Variants in KIAA1549L observed in about 807,000 individuals in gnomAD.
The protein encoded by KIAA1549L is KIAA1549 like, also known as UPF0606 protein KIAA1549L.
Under a neutral mutation model 160.7 loss-of-function variants are expected in KIAA1549L, and 88 were observed. That is an observed-to-expected ratio of 0.55 (90% CI 0.46 to 0.65). The LOEUF is 0.65. KIAA1549L is among the 30% of genes least tolerant of loss of function. The pLI, the probability that KIAA1549L is intolerant of heterozygous loss-of-function variation, is 0.00. For missense variants in KIAA1549L, 2,258 were observed against 2,437.5 expected, an observed-to-expected ratio of 0.93 and a Z score of 1.55; for synonymous variants, 950 against 976.7, an observed-to-expected ratio of 0.97 and a Z score of 0.51.
At chr11:33,396,274 G>A (rs1850371950) in intron 1 of KIAA1549L, among the ~76,000 whole-genome samples, 1 of 152,164 alleles carries the variant, frequency 6.6e-6, no homozygotes. Context: ...AGTTGCAGGA[G>A]CTTAGCTGCA....
chr11:33,630,190 A>G (rs572089240), intron 16 of KIAA1549L, among the ~76,000 whole-genome samples: 2 of 152,092 alleles, frequency 1.3e-5, no homozygotes, highest in Non-Finnish European at 2.9e-5. Context: ...CAAAGCTGTC[A>G]GACCGGGACA....
rs779162427 is a variant in KIAA1549L, at chr11:33,668,170, G to A, written c.*16G>A. On this transcript the variant is annotated 3_prime_UTR_variant, in exon 21 of 21. Transcript: ENST00000658780. ...CCAGGTCTAACGCCTTAGCCCCGTG[G>A]GACTCTGGACTTCCAAACTCTGAGG... The A allele has an allele frequency of 7.0e-5, 113 of 1,604,130 alleles. 2 individuals carry two copies. In the South Asian group the frequency reaches 1.2e-3, roughly 17 times the overall value.
chr11:33,477,894 C>G (rs755732449), intron 1 of KIAA1549L, among the ~76,000 whole-genome samples: 1 of 152,182 alleles, frequency 6.6e-6, no homozygotes, highest in African/African-American at 2.4e-5. Flanking sequence ...AAACCACTTA[C>G]GTTTTGTCCA....
At chr11:33,470,322 G>A (rs1036508813) in intron 1 of KIAA1549L, among the ~76,000 whole-genome samples, 2 of 152,104 alleles carry the variant, frequency 1.3e-5, no homozygotes, top group Admixed American at 6.5e-5. Context: ...TCAATTGACC[G>A]TAAATGTAAG....
chr11:33,658,850 G>C lies in KIAA1549L; in HGVS notation c.5959G>C (p.Gly1987Arg). The part of the protein sequence containing the change: ...DSASFTQMSR[G>R]PVSVTQLDQS... ...CGCCTCCTTCACGCAGATGTCCAGAGGCCCTGTGTCCGTGACGCAGTTGGA... is the reference window on the plus strand; with the variant it reads ...CGCCTCCTTCACGCAGATGTCCAGACGCCCTGTGTCCGTGACGCAGTTGGA... The change falls in exon 19 of 21, where the codon GGC becomes CGC. Residue 1987 changes from glycine to arginine, a missense_variant. Transcript: ENST00000658780. The C allele has an allele frequency of 6.4e-7, 1 of 1,563,218 alleles. No individual in the cohort carries two copies. The highest frequency in any genetic ancestry group is 8.7e-7 in the Non-Finnish European group (1 of 1,153,936).
intron 8 of KIAA1549L, among the ~76,000 whole-genome samples, chr11:33,565,562 C>T (rs956257113): frequency 2.0e-5 from 3 of 152,172 alleles, no homozygotes; most frequent in Non-Finnish European, 4.4e-5. Context: ...GGGCCCTGCC[C>T]CCAAATCCAG....
rs532317602 is a variant in KIAA1549L, at chr11:33,668,167, G to A, written c.*13G>A. On this transcript the variant is annotated 3_prime_UTR_variant, in exon 21 of 21. Transcript: ENST00000658780. ...GTTCCAGGTCTAACGCCTTAGCCCC[G>A]TGGGACTCTGGACTTCCAAACTCTG... The A allele has an allele frequency of 9.0e-5, 144 of 1,606,508 alleles. 3 individuals are homozygous for A. The Middle Eastern group carries it at 9.9e-4, about 11-fold the overall frequency.
In KIAA1549L at chr11:33,542,663, T is replaced by C. The variant is rs1854064267; in HGVS notation, c.1100T>C (p.Leu367Pro). 1 of 1,613,746 alleles carries C rather than the reference T, an allele frequency of 6.2e-7. No homozygotes were observed. Among genetic ancestry groups the C allele is most frequent in the Non-Finnish European group, 8.5e-7 (1 of 1,179,856 alleles). ...PPPALGSLLQ[L>P]PDGSPSWSML... The stretch of plus-strand genomic sequence containing the variant: ...CCAGCACTTGGAAGTCTTCTTCAGC[T>C]TCCAGATGGAAGCCCCTCATGGTCA... The change falls in exon 2 of 21, where the codon CTT becomes CCT. Residue 367 changes from leucine (L) to proline (P), a missense_variant. Leu to Pro is a moderately conservative substitution (Grantham distance 98). This residue lies in a region of KIAA1549L where 540 missense variants were observed against 465.7 expected (regional missense o/e 1.16). Transcript: ENST00000658780.
At chr11:33,394,345 C>A (rs1367525190) in intron 1 of KIAA1549L, among the ~76,000 whole-genome samples, 1 of 151,990 alleles carries the variant, frequency 6.6e-6, no homozygotes, top group Non-Finnish European at 1.5e-5. Flanking sequence ...GAGATCATGC[C>A]ACTACACCCC....
chr11:33,546,384 A>G (rs1253382627), intron 3 of KIAA1549L, among the ~76,000 whole-genome samples: 1 of 152,128 alleles, frequency 6.6e-6, no homozygotes, highest in Non-Finnish European at 1.5e-5. Context: ...CTGGCCCCTC[A>G]GAGGCAGAAG....
At chr11:33,439,404 T>C (rs1432727939) in intron 1 of KIAA1549L, among the ~76,000 whole-genome samples, 1 of 151,614 alleles carries the variant, frequency 6.6e-6, no homozygotes, top group Non-Finnish European at 1.5e-5. Context: ...TTTTTTTTTG[T>C]TTCTGTTTTT....
chr11:33,453,662 T>C (rs1205387704), intron 1 of KIAA1549L, among the ~76,000 whole-genome samples: 1 of 152,214 alleles, frequency 6.6e-6, no homozygotes, highest in East Asian at 1.9e-4. Context: ...TCTGATCATA[T>C]CATGAATATA....
chr11:33,477,854 TACACAC>T lies in KIAA1549L; in HGVS notation c.239-63933_239-63928del, dbSNP rs138995084. On this transcript the variant is annotated intron_variant, in intron 1 of 20. Transcript: ENST00000658780. ...AATGTCTGCTGAATGCACAGATGCA[TACACAC>T]ACACACACACACACCACTGTGGGAA... 5.8e-3 allele frequency among the ~76,000 whole-genome samples: 791 copies of T among 137,560 alleles called. 3 individuals are homozygous for T. Among genetic ancestry groups the T allele is most frequent in the East Asian group, 0.015 (67 of 4,520 alleles). 90.2% of individuals were successfully genotyped at this position (137,560 alleles called of 152,430 possible).
chr11:33,584,192 T>G (rs893731081), intron 11 of KIAA1549L, among the ~76,000 whole-genome samples: 1 of 152,176 alleles, frequency 6.6e-6, no homozygotes. Flanking sequence ...GCCTCCAGAG[T>G]TGTGAGAAAT....
chr11:33,618,729 T>C (rs995558260), intron 16 of KIAA1549L, 67 bp downstream of exon 16: 3 of 1,340,906 alleles, frequency 2.2e-6, no homozygotes, highest in Non-Finnish European at 3.0e-6. Flanking sequence ...GGATAGGGCA[T>C]CCCACTGTGT....
intron 1 of KIAA1549L, among the ~76,000 whole-genome samples, chr11:33,522,603 A>G (rs888168169): frequency 4.6e-5 from 7 of 152,220 alleles, no homozygotes; most frequent in Admixed American, 4.6e-4. Flanking sequence ...CCAAGAAGGC[A>G]TTAGAACCAA....
intron 20 of KIAA1549L, among the ~76,000 whole-genome samples, chr11:33,661,698 G>T (rs994592418): frequency 6.6e-6 from 1 of 151,992 alleles, no homozygotes; most frequent in African/African-American, 2.4e-5. Flanking sequence ...TGGCAAACAT[G>T]GTGAAACCCC....
intron 1 of KIAA1549L, among the ~76,000 whole-genome samples, chr11:33,503,558 A>G (rs1462920995): frequency 1.3e-5 from 2 of 152,238 alleles, no homozygotes; most frequent in African/African-American, 4.8e-5. Context: ...TTCCCTTTAC[A>G]AAGGAATTTA....
chr11:33,487,973 A>G (rs537440608), intron 1 of KIAA1549L, among the ~76,000 whole-genome samples: 40 of 152,328 alleles, frequency 2.6e-4, no homozygotes, highest in Non-Finnish European at 1.6e-4. Flanking sequence ...GGGAGGCAGG[A>G]TGATAGGGTA....
Sources: allele counts gnomAD v4.1 joint callset (sites outside exome capture counted in the v4.1 genomes callset), GRCh38; gene constraint gnomAD v4.1.1; regional missense constraint gnomAD v4.1.1; transcripts MANE v1.5; gene names NCBI Gene and HGNC (gene_info 2026-07-23, HGNC 2026-07-21).